DSC3: variants seen among roughly 807,000 people sequenced by gnomAD.
The protein encoded by DSC3 is desmocollin-3.
In DSC3, 97 loss-of-function variants were observed where a neutral mutation model predicts 89.5. The ratio of observed to expected loss-of-function variants is 1.08; its 90% CI spans 0.92 to 1.28. DSC3 has a LOEUF of 1.28. Ranked by LOEUF, DSC3 falls within the 50% of genes most tolerant of loss-of-function variation. DSC3 has a pLI of 0.00. For missense variants in DSC3, 1,199 were observed against 1,085.3 expected (o/e 1.10, Z -1.47); for synonymous variants, 436 against 384.1 (o/e 1.14, Z -1.58).
intron 11 of DSC3, among the ~76,000 whole-genome samples, chr18:31,007,619 G>C (rs1984898728): frequency 6.6e-6 from 1 of 152,070 alleles, no homozygotes; most frequent in South Asian, 2.1e-4. Flanking sequence ...AAAACTCTAG[G>C]TTACTTTAAG....
Position 30,992,024 on chromosome 18 carries a change from G to T in DSC3, c.*2151C>A, listed in dbSNP as rs1984266733. 1 of 151,996 alleles carries T rather than the reference G, an allele frequency of 6.6e-6. No homozygotes were observed. 9.4% of individuals were successfully genotyped at this position (151,996 alleles called of 1,614,324 possible). A position where few individuals can be genotyped will look rare whatever the true frequency, so the allele number is the denominator to read the frequency against. ...ATTAAAAATACAAAAAATTAGCCGG[G>T]CGTGGTGGTGGGCGCCTGTAGTCCC... On this transcript the variant is annotated 3_prime_UTR_variant, in exon 16 of 16. Coordinates refer to ENST00000360428, the MANE Select transcript of DSC3 (RefSeq NM_001941.5).
At chr18:31,021,555 T>G (rs1985419407) in intron 7 of DSC3, among the ~76,000 whole-genome samples, 1 of 152,228 alleles carries the variant, frequency 6.6e-6, no homozygotes, top group African/African-American at 2.4e-5. Context: ...CTAGTCATAT[T>G]GACTCTTCTA....
rs535998083 is a variant in DSC3, at chr18:30,994,527, A to G, written c.2494-155T>C. ...CACAGAAAATGCAAATGATTGGTCT[A>G]TATCACAACCATACCATAAAGTCAG... On this transcript the variant is annotated intron_variant, in intron 15 of 15. Transcript: ENST00000360428. 10 of 1,544,030 alleles carry G rather than the reference A, an allele frequency of 6.5e-6. No homozygotes were observed. The East Asian group carries it at 1.6e-4, about 25-fold the overall frequency.
intron 9 of DSC3, among the ~76,000 whole-genome samples, chr18:31,010,028 A>G (rs1397412366): frequency 2.0e-5 from 3 of 152,228 alleles, no homozygotes; most frequent in Non-Finnish European, 4.4e-5. Context: ...CTTTTTCTTC[A>G]ATTTCTCTTT....
At chr18:31,019,602 G>A (rs1985352349) in intron 7 of DSC3, among the ~76,000 whole-genome samples, 1 of 152,052 alleles carries the variant, frequency 6.6e-6, no homozygotes, top group Non-Finnish European at 1.5e-5. Context: ...AGACAGACAT[G>A]GGCAATATAG....
rs953092136 is a variant in DSC3 at position 30,993,010 on chromosome 18, A to G, written c.*1165T>C. The G allele has an allele frequency of 6.6e-6, 1 of 152,198 alleles. No homozygotes were observed. Among genetic ancestry groups the G allele is most frequent in the Non-Finnish European group, 1.5e-5 (1 of 68,058 alleles). 9.4% of individuals were successfully genotyped at this position (152,198 alleles called of 1,614,324 possible). A position where few individuals can be genotyped will look rare whatever the true frequency, so the allele number is the denominator to read the frequency against. ...TTTGTGGGGCTTAGGTTTAAGGACAATCAATCTCCCCAGGGTGCTTTCAGT... is the reference window on the plus strand; with the variant it reads ...TTTGTGGGGCTTAGGTTTAAGGACAGTCAATCTCCCCAGGGTGCTTTCAGT... On this transcript the variant is annotated 3_prime_UTR_variant, in exon 16 of 16. Coordinates refer to ENST00000360428, the MANE Select transcript of DSC3 (RefSeq NM_001941.5).
Position 31,016,160 on chromosome 18 carries a change from A to G in DSC3, c.1263+1911T>C, listed in dbSNP as rs1985229303. ...CCAGTTTTCCAGAAAATGCATGAAT[A>G]ACCCACCCCTTATTTAGCATATAAT... On this transcript the variant is annotated intron_variant, in intron 9 of 15. Coordinates refer to ENST00000360428, the MANE Select transcript of DSC3 (RefSeq NM_001941.5). Among the ~76,000 whole-genome samples, 4 of 152,306 alleles carry G rather than the reference A, an allele frequency of 2.6e-5. No homozygotes were observed. In the South Asian group the frequency reaches 8.3e-4, roughly 32 times the overall value.
intron 11 of DSC3, 44 bp downstream of exon 11, chr18:31,007,972 C>A: frequency 6.6e-7 from 1 of 1,520,916 alleles, no homozygotes; most frequent in Non-Finnish European, 9.1e-7. Context: ...ACATTTTATT[C>A]TCTAATTCCT....
intron 1 of DSC3, among the ~76,000 whole-genome samples, chr18:31,036,809 T>C (rs1046142940): frequency 8.8e-5 from 13 of 147,652 alleles, no homozygotes; most frequent in African/African-American, 3.2e-4. Flanking sequence ...TTTTTTTTTT[T>C]TGAGATGGAA....
chr18:30,991,951 G>A lies in DSC3; in HGVS notation c.*2224C>T, dbSNP rs1567945514. 1 of 152,088 alleles carries A rather than the reference G, an allele frequency of 6.6e-6. No homozygotes were observed. The highest frequency in any genetic ancestry group is 2.4e-5 in the African/African-American group (1 of 41,410). The allele number at this position is 152,088 out of a possible 1,614,324, so 9.4% of individuals were successfully genotyped here. A position where few individuals can be genotyped will look rare whatever the true frequency, so the allele number is the denominator to read the frequency against. ...GAGGCCGAGGCAGGCGGATCACGAG[G>A]TCAGGAGATCGAGACCATCCTGGCT... On this transcript the variant is annotated 3_prime_UTR_variant, in exon 16 of 16. Transcript: ENST00000360428.
In DSC3 at chr18:30,994,085, A is replaced by G. The variant is rs1377209493; in HGVS notation, c.*90T>C. The G allele has an allele frequency of 2.4e-6, 3 of 1,233,692 alleles. No individual in the cohort carries two copies. The highest frequency in any genetic ancestry group is 1.5e-5 in the African/African-American group (1 of 67,064). The allele number at this position is 1,233,692 out of a possible 1,614,324, so 76.4% of individuals were successfully genotyped here. A position where few individuals can be genotyped will look rare whatever the true frequency, so the allele number is the denominator to read the frequency against. ...ATTCAAAATTGAGAAAAAAATCATC[A>G]TATACATACATGTTGAAATTGAACT... On this transcript the variant is annotated 3_prime_UTR_variant, in exon 16 of 16. Coordinates refer to ENST00000360428, the MANE Select transcript of DSC3 (RefSeq NM_001941.5).
chr18:31,021,986 G>A (rs1985434511), intron 7 of DSC3, among the ~76,000 whole-genome samples: 1 of 146,320 alleles, frequency 6.8e-6, no homozygotes, highest in Non-Finnish European at 1.5e-5. Flanking sequence ...AGAAATCAGG[G>A]CATGATCCAC....
chr18:30,992,599 C>T lies in DSC3; in HGVS notation c.*1576G>A, dbSNP rs1567946027. On this transcript the variant is annotated 3_prime_UTR_variant, in exon 16 of 16. Coordinates refer to ENST00000360428, the MANE Select transcript of DSC3 (RefSeq NM_001941.5). The stretch of plus-strand genomic sequence containing the variant: ...CTCCCACCCATATTCCTTGTGGCCT[C>T]TCCTTGCCCTTGAAGGCCTGCATCT... 6.6e-6 allele frequency: 1 copy of T among 152,290 alleles called. No homozygotes were observed. 9.4% of individuals were successfully genotyped at this position (152,290 alleles called of 1,614,324 possible).
In DSC3 at chr18:31,004,135, T is replaced by A; in HGVS notation, c.2113+7A>T. 6.3e-7 allele frequency: 1 copy of A among 1,595,754 alleles called. No homozygotes were observed. The highest frequency in any genetic ancestry group is 8.6e-7 in the Non-Finnish European group (1 of 1,164,154). On this transcript the variant is annotated splice_region_variant and intron_variant, in intron 13 of 15. Coordinates refer to ENST00000360428, the MANE Select transcript of DSC3 (RefSeq NM_001941.5). ...TATTTTAACTTCAAGAAAGTGAAAA[T>A]ACTTACAAAAGAGCAGTGCTATACC...
chr18:30,994,079 A>G lies in DSC3; in HGVS notation c.*96T>C. 1 of 1,197,152 alleles carries G rather than the reference A, an allele frequency of 8.4e-7. No homozygotes were observed. The highest frequency in any genetic ancestry group is 1.2e-6 in the Non-Finnish European group (1 of 822,364). The allele number at this position is 1,197,152 out of a possible 1,614,324, so 74.2% of individuals were successfully genotyped here. A position where few individuals can be genotyped will look rare whatever the true frequency, so the allele number is the denominator to read the frequency against. On this transcript the variant is annotated 3_prime_UTR_variant, in exon 16 of 16. Transcript: ENST00000360428. ...AGCATAATTCAAAATTGAGAAAAAA[A>G]TCATCATATACATACATGTTGAAAT...
chr18:31,018,326 C>T (rs1985304180), intron 8 of DSC3, 70 bp from the exon 9 acceptor site: 2 of 1,241,392 alleles, frequency 1.6e-6, no homozygotes, highest in Middle Eastern at 2.7e-4. Context: ...AAGTTTCTTC[C>T]ATTCCAAAAA....
intron 7 of DSC3, among the ~76,000 whole-genome samples, chr18:31,020,665 A>G (rs546056420): frequency 6.6e-5 from 10 of 152,100 alleles, no homozygotes; most frequent in South Asian, 6.2e-4. Context: ...TATTCTAGTC[A>G]GGTGCCATGG....
chr18:31,035,486 T>G (rs1003010194), intron 1 of DSC3, among the ~76,000 whole-genome samples: 14 of 152,090 alleles, frequency 9.2e-5, no homozygotes, highest in Admixed American at 2.6e-4. Context: ...CTTAATTTAA[T>G]ATTTTCCTTA....
rs148288636 is a variant in DSC3 at position 31,007,598 on chromosome 18, G to C, written c.1663+418C>G. Among the ~76,000 whole-genome samples, 12 of 152,194 alleles carry C rather than the reference G, an allele frequency of 7.9e-5. No homozygotes were observed. The South Asian group carries it at 1.9e-3, about 24-fold the overall frequency. On this transcript the variant is annotated intron_variant, in intron 11 of 15. Transcript: ENST00000360428. ...ATTAATATTTTTATTTTAATGTGAA[G>C]ACAAGGTTGAAAAACTCTAGGTTAC... is the stretch of plus-strand genomic sequence containing the variant.
Sources: allele counts gnomAD v4.1 joint callset (sites outside exome capture counted in the v4.1 genomes callset), GRCh38; gene constraint gnomAD v4.1.1; transcripts MANE v1.5; gene names NCBI Gene and HGNC (gene_info 2026-07-23, HGNC 2026-07-21).